Variants in SYTL5 observed in about 807,000 individuals in gnomAD.
SYTL5 encodes the protein synaptotagmin-like protein 5.
A neutral mutation model predicts 55.9 loss-of-function variants in SYTL5; 34 were observed. That is an observed-to-expected ratio of 0.61 (90% CI 0.46 to 0.81). SYTL5 has a LOEUF of 0.81. Among genes scored for constraint, SYTL5 ranks in the 30% least tolerant of loss-of-function variants. SYTL5 has a pLI of 0.00. For synonymous variants in SYTL5, 221 were observed against 188.7 expected, an observed-to-expected ratio of 1.17 and a Z score of -1.40; for missense variants, 637 against 546.7, an observed-to-expected ratio of 1.17 and a Z score of -1.65.
At chrX:38,089,360 C>A in intron 6 of SYTL5, 86 bp from the exon 7 acceptor site, 1 of 1,024,817 alleles carries the variant, frequency 9.8e-7, no homozygotes, top group Admixed American at 3.1e-5. Context: ...ATGTTCTTAT[C>A]AGTTTCCTCA....
At chrX:38,113,304 A>G (rs1410612997) in intron 13 of SYTL5, among the ~76,000 whole-genome samples, 1 of 112,543 alleles carries the variant, frequency 8.9e-6, no homozygotes, top group African/African-American at 3.2e-5. Context: ...AGGACATCTG[A>G]AAATCAACAG....
At chrX:38,099,044 G>T (rs1937014350) in intron 9 of SYTL5, among the ~76,000 whole-genome samples, 1 of 110,662 alleles carries the variant, frequency 9.0e-6, no homozygotes, top group South Asian at 3.7e-4. Flanking sequence ...AGCTTATTGG[G>T]TTGAAAATGT....
intron 3 of SYTL5, among the ~76,000 whole-genome samples, chrX:38,055,386 C>T (rs1935754670): frequency 9.0e-6 from 1 of 111,316 alleles, no homozygotes; most frequent in Non-Finnish European, 1.9e-5. Context: ...TCAGTTAAAC[C>T]AGTCTTAGTC....
At chrX:38,120,628 G>A (rs1036600226) in intron 14 of SYTL5, among the ~76,000 whole-genome samples, 162 bp downstream of exon 14, 4 of 111,102 alleles carry the variant, frequency 3.6e-5, no homozygotes, top group Non-Finnish European at 5.7e-5. Flanking sequence ...TGTGTATACC[G>A]TATATATAGA....
the SYTL5 span, among the ~76,000 whole-genome samples, chrX:37,968,837 T>G: frequency 2.7e-5 from 3 of 112,231 alleles, no homozygotes; most frequent in African/African-American, 9.7e-5. Flanking sequence ...TTTTAAAATC[T>G]GTAGCATTTA....
At chrX:37,928,978 A>T in the SYTL5 span, among the ~76,000 whole-genome samples, 1 of 112,269 alleles carries the variant, frequency 8.9e-6, no homozygotes, top group Non-Finnish European at 1.9e-5. Flanking sequence ...GCTATTTTTA[A>T]AAAGCTACCT....
chrX:37,945,557 C>T, the SYTL5 span, among the ~76,000 whole-genome samples: 1 of 111,007 alleles, frequency 9.0e-6, no homozygotes, highest in Middle Eastern at 4.2e-3. Context: ...TCCAATAGAC[C>T]TGATCTCCAC....
rs1012649965 is a variant in SYTL5, at chrX:38,126,668, C to T, written c.2131C>T (p.Pro711Ser). 9 of 1,208,029 alleles carry T rather than the reference C, an allele frequency of 7.5e-6. No individual in the cohort carries two copies. The highest frequency in any genetic ancestry group is 3.6e-5 in the South Asian group (2 of 56,322). Reference protein sequence around the residue: ...QRLWQKMANNPGTPFEGVLML... With the variant: ...QRLWQKMANNSGTPFEGVLML... ...CCTTTGGCAGAAGATGGCCAACAACCCTGGAACTCCCTTTGAGGGTGTACT... is the reference window on the plus strand; with the variant it reads ...CCTTTGGCAGAAGATGGCCAACAACTCTGGAACTCCCTTTGAGGGTGTACT... Residue 711 changes from proline to serine, a missense_variant, in exon 17 of 17, where the codon CCT becomes TCT. Transcript: ENST00000297875.
chrX:38,041,937 C>A (rs941274289), intron 2 of SYTL5, among the ~76,000 whole-genome samples: 1 of 110,807 alleles, frequency 9.0e-6, no homozygotes, highest in Non-Finnish European at 1.9e-5. Context: ...GTTGTGATAT[C>A]CATCACCTTA....
the SYTL5 span, among the ~76,000 whole-genome samples, chrX:37,922,077 T>C: frequency 4.6e-4 from 52 of 112,314 alleles, no homozygotes; most frequent in African/African-American, 1.6e-3. Flanking sequence ...GACATCCACT[T>C]TGAAGCACAT....
chrX:38,091,399 G>A (rs1022342428), intron 7 of SYTL5, among the ~76,000 whole-genome samples: 3 of 112,267 alleles, frequency 2.7e-5, no homozygotes, highest in Non-Finnish European at 5.6e-5. Flanking sequence ...TAGCTAGAAA[G>A]GTGCATGGAT....
At chrX:37,948,972 G>T in the SYTL5 span, among the ~76,000 whole-genome samples, 2 of 111,237 alleles carry the variant, frequency 1.8e-5, no homozygotes, top group African/African-American at 6.5e-5. Context: ...AAACTCTAAA[G>T]GTTCCTATTC....
chrX:38,033,376 C>T (rs2363887), intron 1 of SYTL5, among the ~76,000 whole-genome samples, 158 bp from the exon 2 acceptor site: 25,931 of 111,820 alleles, frequency 0.23, 5,251 homozygotes, highest in African/African-American at 0.66. Context: ...TAAAAAAACA[C>T]TAAATAAAGA....
chrX:37,918,893 T>C, the SYTL5 span, among the ~76,000 whole-genome samples: 1 of 110,490 alleles, frequency 9.1e-6, no homozygotes. Context: ...GACTACTAGA[T>C]TATAAACCAC....
At chrX:38,049,159 C>A (rs769284498) in intron 2 of SYTL5, among the ~76,000 whole-genome samples, 7 of 111,842 alleles carry the variant, frequency 6.3e-5, no homozygotes, top group Admixed American at 1.9e-4. Flanking sequence ...TTGTCAGTCA[C>A]TGTGGCCTTG....
At chrX:37,914,008 C>A in the SYTL5 span, among the ~76,000 whole-genome samples, 1 of 111,748 alleles carries the variant, frequency 8.9e-6, no homozygotes, top group Non-Finnish European at 1.9e-5. Flanking sequence ...ATTTTTATGT[C>A]CCTTCTATGA....
intron 1 of SYTL5, among the ~76,000 whole-genome samples, chrX:38,027,123 T>C (rs1602317054): frequency 8.9e-6 from 1 of 112,022 alleles, no homozygotes; most frequent in African/African-American, 3.2e-5. Context: ...GTGAGGGCCA[T>C]TCATAACTCT....
intron 6 of SYTL5, among the ~76,000 whole-genome samples, chrX:38,081,404 A>G (rs998223097): frequency 1.8e-5 from 2 of 111,610 alleles, no homozygotes; most frequent in Non-Finnish European, 1.9e-5. Context: ...AGTGGGAGAT[A>G]CACAGTCTGA....
intron 2 of SYTL5, among the ~76,000 whole-genome samples, chrX:38,053,777 G>A (rs968447889): frequency 6.2e-5 from 7 of 112,224 alleles, no homozygotes; most frequent in African/African-American, 2.3e-4. Flanking sequence ...GCTCTCTAGT[G>A]TTATGGTATC....
Sources: gnomAD v4.1 joint callset for allele counts (sites outside exome capture counted in the v4.1 genomes callset) on GRCh38, gnomAD v4.1.1 for gene constraint, MANE v1.5 for transcripts, NCBI Gene and HGNC (gene_info 2026-07-23, HGNC 2026-07-21) for gene names.